POLR3B: variants seen among roughly 807,000 people sequenced by gnomAD.
POLR3B encodes the protein DNA-directed RNA polymerase III subunit RPC2.
In POLR3B, 96 loss-of-function variants were observed where a neutral mutation model predicts 147.4. That is an observed-to-expected ratio of 0.65 (90% CI 0.55 to 0.77). The LOEUF is 0.77. POLR3B is among the 30% of genes least tolerant of loss of function. POLR3B has a pLI of 0.00. For synonymous variants in POLR3B, 461 were observed against 485.9 expected (o/e 0.95, Z 0.67); for missense variants, 1,036 against 1,413.5 (o/e 0.73, Z 4.28).
At chr12:106,409,250 C>T (rs571489767) in intron 11 of POLR3B, among the ~76,000 whole-genome samples, 22 of 150,786 alleles carry the variant, frequency 1.5e-4, no homozygotes, top group African/African-American at 4.6e-4. Context: ...ATACAGCTTT[C>T]GAAATACCAA....
chr12:106,449,855 A>G (rs1284156095), intron 19 of POLR3B, among the ~76,000 whole-genome samples: 1 of 152,224 alleles, frequency 6.6e-6, no homozygotes, highest in Non-Finnish European at 1.5e-5. Context: ...AGTAGGGAAT[A>G]TAGTAAGTCA....
intron 23 of POLR3B, among the ~76,000 whole-genome samples, chr12:106,465,200 A>G (rs953540753): frequency 6.6e-6 from 1 of 152,180 alleles, no homozygotes; most frequent in African/African-American, 2.4e-5. Context: ...TCGCTAGGTC[A>G]TTGTGGGGTA....
intron 22 of POLR3B, among the ~76,000 whole-genome samples, chr12:106,462,559 T>A (rs944562006): frequency 6.6e-6 from 1 of 152,176 alleles, no homozygotes; most frequent in Admixed American, 6.5e-5. Flanking sequence ...TCTAAACTAC[T>A]CTGGCCATGT....
chr12:106,459,814 T>C (rs1305709567), intron 22 of POLR3B, among the ~76,000 whole-genome samples: 1 of 152,242 alleles, frequency 6.6e-6, no homozygotes, highest in African/African-American at 2.4e-5. Context: ...TTGTTTTGTG[T>C]ATCTTACATG....
At chr12:106,386,467 A>T (rs1332057288) in intron 9 of POLR3B, among the ~76,000 whole-genome samples, 6 of 152,034 alleles carry the variant, frequency 3.9e-5, no homozygotes, top group Non-Finnish European at 1.5e-5. Flanking sequence ...TTGAAGATGC[A>T]TAGTACTCTT....
chr12:106,358,185 C>CCGGG, intron 1 of POLR3B: 1 of 1,430,862 alleles, frequency 7.0e-7, no homozygotes, highest in Non-Finnish European at 9.1e-7. Flanking sequence ...CCGAGAAGCC[C>CCGGG]CGCTGCTGGC....
chr12:106,437,699 A>T lies in POLR3B; in HGVS notation c.1875A>T (p.Leu625Phe), dbSNP rs1304946999. The T allele has an allele frequency of 3.8e-6, 6 of 1,595,858 alleles. No individual in the cohort carries two copies. Among genetic ancestry groups the T allele is most frequent in the Non-Finnish European group, 5.2e-6 (6 of 1,163,562 alleles). Reference protein sequence around the residue: ...AQGYRNFEDFLHESLVEYLDV... With the variant: ...AQGYRNFEDFFHESLVEYLDV... ...TTCCCAGGAATTTTGAAGATTTCTT[A>T]CATGAGAGTCTGGTTGAATATTTAG... is the stretch of plus-strand genomic sequence containing the variant. Residue 625 changes from leucine to phenylalanine, a missense_variant, in exon 18 of 28, where the codon TTA becomes TTT. Around this residue, in one of 12 missense-constraint regions of POLR3B, gnomAD observed 177 missense variants for 232.7 expected, o/e 0.76. Coordinates refer to ENST00000228347, the MANE Select transcript of POLR3B (RefSeq NM_018082.6).
Position 106,509,691 on chromosome 12 carries a change from G to T in POLR3B, c.*142G>T. Reference sequence around the variant, plus strand: ...AAAACAACCAAAAAAAAATGGAGAGGCTTTTTATATACTCTAAGACTGGCT... The same window carrying T: ...AAAACAACCAAAAAAAAATGGAGAGTCTTTTTATATACTCTAAGACTGGCT... On this transcript the variant is annotated 3_prime_UTR_variant, in exon 28 of 28. Transcript: ENST00000228347. The T allele has an allele frequency of 1.4e-6, 1 of 737,644 alleles. No homozygotes were observed. Among genetic ancestry groups the T allele is most frequent in the Non-Finnish European group, 2.3e-6 (1 of 440,086 alleles). The allele number at this position is 737,644 out of a possible 1,614,324, so 45.7% of individuals were successfully genotyped here.
intron 19 of POLR3B, among the ~76,000 whole-genome samples, chr12:106,447,617 CT>C (rs1249831477): frequency 6.6e-6 from 1 of 152,196 alleles, no homozygotes; most frequent in African/African-American, 2.4e-5. Context: ...ATTTTGTGTC[CT>C]CTCATCGGCA....
intron 23 of POLR3B, among the ~76,000 whole-genome samples, chr12:106,483,232 A>G (rs1407781374): frequency 6.6e-6 from 1 of 152,198 alleles, no homozygotes; most frequent in Admixed American, 6.5e-5. Context: ...AAATCCCCAT[A>G]TAAGTGGACC....
chr12:106,448,427 C>CTTTTTTT lies in POLR3B; in HGVS notation c.2083+3860_2083+3866dup, dbSNP rs869133588. ...TCCAAATTCTTTACATACGTTATTT[C>CTTTTTTT]TTTTTTTTTTTTTTTTTTTTTTTTT... On this transcript the variant is annotated intron_variant, in intron 19 of 27. Transcript: ENST00000228347. Among the ~76,000 whole-genome samples the CTTTTTTT allele has an allele frequency of 6.0e-3, 305 of 50,618 alleles. 10 individuals carry two copies. The highest frequency in any genetic ancestry group is 8.4e-3 in the Non-Finnish European group (205 of 24,374). 33.2% of individuals were successfully genotyped at this position (50,618 alleles called of 152,430 possible). A position where few individuals can be genotyped will look rare whatever the true frequency, so the allele number is the denominator to read the frequency against.
chr12:106,455,396 A>G (rs1177130942), intron 20 of POLR3B, among the ~76,000 whole-genome samples: 1 of 152,120 alleles, frequency 6.6e-6, no homozygotes, highest in African/African-American at 2.4e-5. Flanking sequence ...TAGTACTCCT[A>G]GACATGTGTC....
rs1476769754 is a variant in POLR3B, at chr12:106,475,422, G to C, written c.2713+11802G>C. Among the ~76,000 whole-genome samples, 23 of 100,580 alleles carry C rather than the reference G, an allele frequency of 2.3e-4. 1 individual carries two copies. The East Asian group carries it at 2.4e-3, about 11-fold the overall frequency. The allele number at this position is 100,580 out of a possible 152,430, so 66.0% of individuals were successfully genotyped here. A position where few individuals can be genotyped will look rare whatever the true frequency, so the allele number is the denominator to read the frequency against. On this transcript the variant is annotated intron_variant, in intron 23 of 27. Transcript: ENST00000228347. ...CTGAGTTCAATTCCTGGGTATCCTT[G>C]TTGACTTTCTGTCTCATTGATCTGT...
chr12:106,502,428 G>A (rs1467323011), intron 26 of POLR3B, among the ~76,000 whole-genome samples: 1 of 152,164 alleles, frequency 6.6e-6, no homozygotes, highest in African/African-American at 2.4e-5. Context: ...CATATTTAAA[G>A]TGGAGACAAT....
chr12:106,394,429 A>G (rs1378961180), intron 10 of POLR3B, among the ~76,000 whole-genome samples: 2 of 152,218 alleles, frequency 1.3e-5, no homozygotes, highest in Non-Finnish European at 2.9e-5. Context: ...GAAAACATTA[A>G]GAAATATCAA....
chr12:106,378,547 G>A (rs1450941350), intron 8 of POLR3B, among the ~76,000 whole-genome samples, 163 bp downstream of exon 8: 1 of 152,060 alleles, frequency 6.6e-6, no homozygotes, highest in African/African-American at 2.4e-5. Context: ...TGGAAGCATA[G>A]GGTACTGATT....
chr12:106,453,517 T>A (rs2037825767), intron 19 of POLR3B, among the ~76,000 whole-genome samples: 2 of 151,972 alleles, frequency 1.3e-5, no homozygotes, highest in South Asian at 4.1e-4. Flanking sequence ...GAGAGAGACT[T>A]AAAGCTGCCT....
chr12:106,486,928 G>A (rs1021347425), intron 23 of POLR3B, among the ~76,000 whole-genome samples: 2 of 152,184 alleles, frequency 1.3e-5, no homozygotes, highest in African/African-American at 2.4e-5. Context: ...TTGGCTAGAT[G>A]TGACAGTAAA....
chr12:106,358,692 CA>C (rs1335673387), intron 1 of POLR3B, among the ~76,000 whole-genome samples: 1 of 152,106 alleles, frequency 6.6e-6, no homozygotes, highest in African/African-American at 2.4e-5. Context: ...GGAAAGAGAA[CA>C]GGATACTTGA....
Sources: allele counts gnomAD v4.1 joint callset (sites outside exome capture counted in the v4.1 genomes callset), GRCh38; gene constraint gnomAD v4.1.1; regional missense constraint gnomAD v4.1.1; transcripts MANE v1.5; gene names NCBI Gene and HGNC (gene_info 2026-07-23, HGNC 2026-07-21).